The following NCKAP5 variants were observed in gnomAD, a reference collection of about 807,000 sequenced individuals.
NCKAP5 encodes NCK associated protein 5.
Under a neutral mutation model 167.0 loss-of-function variants are expected in NCKAP5, and 92 were observed. That is an observed-to-expected ratio of 0.55 (90% CI 0.47 to 0.66). The LOEUF (loss-of-function observed/expected upper bound fraction) is 0.66. NCKAP5 is among the 30% of genes least tolerant of loss of function. The pLI is 0.00. For missense variants in NCKAP5, 2,378 were observed against 2,315.0 expected (o/e 1.03, Z -0.56); for synonymous variants, 891 against 877.4 (o/e 1.02, Z -0.27).
rs1436700130 is a variant in NCKAP5, at chr2:133,517,502, T to C, written c.25A>G (p.Lys9Glu). MEGKRQLE[K>E]RDFGKRLSLD... ...GACAGCCTTTTTCCAAAGTCCCTTT[T>C]CTCAAGCTGTCTCTTTCCCTCCATG... The change falls in exon 3 of 20, where the codon AAA (lysine) becomes GAA (glutamate). Residue 9 changes from lysine to glutamate, a missense_variant. Around this residue, in one of 3 missense-constraint regions of NCKAP5, gnomAD observed 1,049 missense variants for 1,023.4 expected, o/e 1.02. Coordinates refer to ENST00000409261, the MANE Select transcript of NCKAP5 (RefSeq NM_207363.3). 1.3e-6 allele frequency: 2 copies of C among 1,539,420 alleles called. No individual in the cohort carries two copies. The highest frequency in any genetic ancestry group is 1.8e-6 in the Non-Finnish European group (2 of 1,139,440).
chr2:133,634,256 G>A, the NCKAP5 span, among the ~76,000 whole-genome samples: 1 of 152,158 alleles, frequency 6.6e-6, no homozygotes, highest in East Asian at 1.9e-4. Flanking sequence ...CAATTAGTTT[G>A]CGTTTCAGCA....
At chr2:132,818,594 G>A (rs1686466779) in intron 11 of NCKAP5, among the ~76,000 whole-genome samples, 1 of 152,176 alleles carries the variant, frequency 6.6e-6, no homozygotes, top group African/African-American at 2.4e-5. Context: ...AGTGTGAGGT[G>A]GGAGGATCAC....
chr2:133,035,954 A>G (rs1407317971), intron 6 of NCKAP5, among the ~76,000 whole-genome samples: 1 of 151,972 alleles, frequency 6.6e-6, no homozygotes, highest in Admixed American at 6.5e-5. Flanking sequence ...CAAAAGAGAG[A>G]ATATCCAAAT....
At chr2:133,569,992 A>G (rs1575171839), upstream of NCKAP5, among the ~76,000 whole-genome samples, 1 of 152,240 alleles carries the variant, frequency 6.6e-6, no homozygotes, top group African/African-American at 2.4e-5. Context: ...AGATATAAGC[A>G]CAAGTTCTTT....
intron 6 of NCKAP5, among the ~76,000 whole-genome samples, chr2:133,033,182 G>A (rs1393991090): frequency 6.6e-6 from 1 of 152,208 alleles, no homozygotes; most frequent in African/African-American, 2.4e-5. Flanking sequence ...TGTATGTTTA[G>A]GAGAAAGTAA....
At chr2:133,423,468 T>C (rs1033896806) in intron 3 of NCKAP5, among the ~76,000 whole-genome samples, 1 of 152,224 alleles carries the variant, frequency 6.6e-6, no homozygotes, top group Non-Finnish European at 1.5e-5. Flanking sequence ...AACCAAGACT[T>C]ATTCAGAACC....
intron 8 of NCKAP5, among the ~76,000 whole-genome samples, chr2:132,934,502 G>GT (rs1696691563): frequency 6.6e-6 from 1 of 152,154 alleles, no homozygotes; most frequent in Admixed American, 6.5e-5. Flanking sequence ...GAACCTGGAG[G>GT]TGGAGGTTGC....
chr2:132,918,897 T>C (rs944876365), intron 8 of NCKAP5, among the ~76,000 whole-genome samples: 3 of 152,246 alleles, frequency 2.0e-5, no homozygotes, highest in Non-Finnish European at 2.9e-5. Context: ...TTGCCAAATA[T>C]TGGGATGAAA....
intron 16 of NCKAP5, among the ~76,000 whole-genome samples, chr2:132,740,253 T>A (rs1321373155): frequency 6.6e-6 from 1 of 152,218 alleles, no homozygotes; most frequent in Non-Finnish European, 1.5e-5. Context: ...GGGTGTTTAA[T>A]ATTCATACCA....
At chr2:133,481,997 T>C (rs910692049) in intron 3 of NCKAP5, among the ~76,000 whole-genome samples, 1 of 152,184 alleles carries the variant, frequency 6.6e-6, no homozygotes, top group Non-Finnish European at 1.5e-5. Context: ...TAACTCATGC[T>C]AGCCAGTCTC....
At chr2:133,648,476 A>T in the NCKAP5 span, among the ~76,000 whole-genome samples, 1 of 152,256 alleles carries the variant, frequency 6.6e-6, no homozygotes, top group East Asian at 1.9e-4. Context: ...GTGCATATGG[A>T]TATTTCTCCA....
the NCKAP5 span, among the ~76,000 whole-genome samples, chr2:133,615,546 G>C: frequency 6.6e-6 from 1 of 152,128 alleles, no homozygotes; most frequent in Non-Finnish European, 1.5e-5. Flanking sequence ...GATCAAAAGA[G>C]ACAAAGAAGG....
intron 7 of NCKAP5, among the ~76,000 whole-genome samples, chr2:132,989,254 G>C (rs2077384186): frequency 6.6e-6 from 1 of 152,068 alleles, no homozygotes; most frequent in South Asian, 2.1e-4. Flanking sequence ...CCTCTCCAAT[G>C]GGTTGCTCTA....
the NCKAP5 span, among the ~76,000 whole-genome samples, chr2:133,594,346 G>T: frequency 6.6e-6 from 1 of 152,004 alleles, no homozygotes; most frequent in East Asian, 1.9e-4. Flanking sequence ...ACTCTCTCTT[G>T]CCCTGGGGTC....
intron 3 of NCKAP5, among the ~76,000 whole-genome samples, chr2:133,342,876 A>T (rs953246714): frequency 1.3e-5 from 2 of 152,198 alleles, no homozygotes; most frequent in African/African-American, 4.8e-5. Context: ...GGAGGACACC[A>T]GAATGATCCC....
chr2:133,667,866 C>A, the NCKAP5 span, among the ~76,000 whole-genome samples: 1 of 151,928 alleles, frequency 6.6e-6, no homozygotes, highest in South Asian at 2.1e-4. Context: ...GTTGTACTAT[C>A]AGCACCACTA....
chr2:133,614,077 C>A, the NCKAP5 span, among the ~76,000 whole-genome samples: 2 of 152,120 alleles, frequency 1.3e-5, no homozygotes, highest in Non-Finnish European at 2.9e-5. Flanking sequence ...TCCAAGACTA[C>A]ACAGGAACAT....
chr2:133,523,869 A>C (rs1684665113), intron 2 of NCKAP5, among the ~76,000 whole-genome samples: 1 of 152,208 alleles, frequency 6.6e-6, no homozygotes, highest in Admixed American at 6.5e-5. Context: ...TTGACAAGGC[A>C]GCTCCATGGG....
chr2:133,217,893 TTACA>T (rs1264721015), intron 4 of NCKAP5, among the ~76,000 whole-genome samples: 2 of 152,066 alleles, frequency 1.3e-5, no homozygotes, highest in African/African-American at 4.8e-5. Flanking sequence ...AAAAGCTTTT[TTACA>T]TACATTCTAA....
Sources: gnomAD v4.1 joint callset for allele counts (sites outside exome capture counted in the v4.1 genomes callset) on GRCh38, gnomAD v4.1.1 for gene constraint, gnomAD v4.1.1 regional missense constraint, MANE v1.5 for transcripts, NCBI Gene and HGNC (gene_info 2026-07-23, HGNC 2026-07-21) for gene names.